DIAPH3: variants seen among roughly 807,000 people sequenced by gnomAD.
DIAPH3 encodes protein diaphanous homolog 3.
In DIAPH3, 117 loss-of-function variants were observed where a neutral mutation model predicts 144.3. That is an observed-to-expected ratio of 0.81 (90% confidence interval 0.70 to 0.95). The LOEUF is 0.95. Among genes scored for constraint, DIAPH3 ranks in the 40% least tolerant of loss-of-function variants. The pLI is 0.00. For missense variants in DIAPH3, 1,421 were observed against 1,412.7 expected (o/e 1.01, Z -0.09); for synonymous variants, 519 against 488.9 (o/e 1.06, Z -0.81).
chr13:59,715,611 TA>T (rs1185593638), intron 27 of DIAPH3, among the ~76,000 whole-genome samples: 178 of 145,402 alleles, frequency 1.2e-3, no homozygotes, highest in South Asian at 2.2e-3. Flanking sequence ...TTCTTTAGAG[TA>T]AAAAAAAAAA....
At chr13:59,820,555 C>T (rs1462111362) in intron 24 of DIAPH3, among the ~76,000 whole-genome samples, 1 of 151,666 alleles carries the variant, frequency 6.6e-6, no homozygotes, top group Non-Finnish European at 1.5e-5. Context: ...TAAAACACTG[C>T]CCAATAATGC....
intron 9 of DIAPH3, among the ~76,000 whole-genome samples, chr13:59,995,513 A>G (rs1453339354): frequency 1.3e-5 from 2 of 151,894 alleles, no homozygotes; most frequent in African/African-American, 4.8e-5. Context: ...CACATACTTC[A>G]TTCCTTCAAA....
At chr13:59,792,880 A>G (rs341557) in intron 25 of DIAPH3, among the ~76,000 whole-genome samples, 107,128 of 151,934 alleles carry the variant, frequency 0.71, 38,107 homozygotes, top group East Asian at 0.86. Context: ...TAGTGCCGGT[A>G]AGAAACAATA....
In DIAPH3 at chr13:60,126,852, T is replaced by G. The variant is rs181171851; in HGVS notation, c.213+6105A>C. On this transcript the variant is annotated intron_variant, in intron 2 of 27. Transcript: ENST00000400324. ...AAAAATATTCAATTCAATAAAATTT[T>G]GTGGGATGCAGCTAAAGCAGATGTC... Among the ~76,000 whole-genome samples, 74 of 152,190 alleles carry G rather than the reference T, an allele frequency of 4.9e-4. 2 individuals carry two copies. The East Asian group carries it at 0.014, about 28-fold the overall frequency.
At chr13:60,148,452 G>C (rs1259024614) in intron 1 of DIAPH3, among the ~76,000 whole-genome samples, 2 of 152,188 alleles carry the variant, frequency 1.3e-5, no homozygotes, top group African/African-American at 4.8e-5. Context: ...CATATAGCTA[G>C]TGACTATCAA....
intron 1 of DIAPH3, among the ~76,000 whole-genome samples, chr13:60,155,423 TAATA>T (rs1185848908): frequency 6.6e-6 from 1 of 152,232 alleles, no homozygotes; most frequent in Non-Finnish European, 1.5e-5. Context: ...AAAAGCCACT[TAATA>T]TATATTGTTT....
At chr13:59,871,576 T>G (rs1045193116) in intron 21 of DIAPH3, among the ~76,000 whole-genome samples, 1 of 152,220 alleles carries the variant, frequency 6.6e-6, no homozygotes, top group Non-Finnish European at 1.5e-5. Flanking sequence ...TTGATGATGA[T>G]AGATTACATT....
At chr13:59,707,984 T>TA (rs2138804223) in intron 27 of DIAPH3, among the ~76,000 whole-genome samples, 1 of 150,072 alleles carries the variant, frequency 6.7e-6, no homozygotes, top group East Asian at 2.0e-4. Flanking sequence ...TCTCTCATCT[T>TA]TAAAAAAAAA....
chr13:60,053,041 T>C lies in DIAPH3; in HGVS notation c.496-10221A>G, dbSNP rs138155977. Among the ~76,000 whole-genome samples the C allele has an allele frequency of 1.2e-4, 15 of 127,094 alleles. No individual in the cohort carries two copies. The East Asian group carries it at 2.9e-3, about 25-fold the overall frequency. 83.4% of individuals were successfully genotyped at this position (127,094 alleles called of 152,430 possible). On this transcript the variant is annotated intron_variant, in intron 4 of 27. Transcript: ENST00000400324. Reference sequence around the variant, plus strand: ...CCTCTTAAATTAAAGAAATAGGAAATAGACCAGAGAGACTATTTTTCAACA... The same window carrying C: ...CCTCTTAAATTAAAGAAATAGGAAACAGACCAGAGAGACTATTTTTCAACA...
intron 5 of DIAPH3, among the ~76,000 whole-genome samples, chr13:60,039,459 A>G (rs2055473355): frequency 6.6e-6 from 1 of 152,032 alleles, no homozygotes. Context: ...ATGCATCACC[A>G]TGCCCAGATA....
intron 24 of DIAPH3, among the ~76,000 whole-genome samples, chr13:59,827,332 A>G (rs1366378655): frequency 6.6e-6 from 1 of 152,164 alleles, no homozygotes; most frequent in Non-Finnish European, 1.5e-5. Flanking sequence ...AAACAAATTT[A>G]CAAGGAAAAA....
chr13:59,913,413 A>G (rs995299558), intron 19 of DIAPH3, among the ~76,000 whole-genome samples: 3 of 152,096 alleles, frequency 2.0e-5, no homozygotes, highest in African/African-American at 7.2e-5. Context: ...CCACAGTATT[A>G]TTACTGCCAA....
intron 4 of DIAPH3, among the ~76,000 whole-genome samples, chr13:60,072,085 C>T (rs1476129574): frequency 1.3e-5 from 2 of 152,118 alleles, no homozygotes; most frequent in Non-Finnish European, 2.9e-5. Context: ...GATTTGGTTA[C>T]CTTCCACATG....
At chr13:59,815,957 G>C (rs1190037909) in intron 24 of DIAPH3, among the ~76,000 whole-genome samples, 2 of 152,038 alleles carry the variant, frequency 1.3e-5, no homozygotes, top group African/African-American at 4.8e-5. Context: ...TTAGGTTAAA[G>C]GGTTTCCTTT....
At position 60,080,806 on chromosome 13, in the gene DIAPH3, C is replaced by T. The variant is rs192454818; in HGVS notation, c.495+12822G>A. On this transcript the variant is annotated intron_variant, in intron 4 of 27. Transcript: ENST00000400324. Reference sequence around the variant, plus strand: ...CTCTATATACTTAAGACAAATAATACACATTTATCCAAAGTAATACAAGTA... The same window carrying T: ...CTCTATATACTTAAGACAAATAATATACATTTATCCAAAGTAATACAAGTA... Among the ~76,000 whole-genome samples, 503 of 151,974 alleles carry T rather than the reference C, an allele frequency of 3.3e-3. 2 individuals carry two copies. The highest frequency in any genetic ancestry group is 0.011 in the African/African-American group (464 of 41,482).
At chr13:59,809,940 A>G (rs2040387699) in intron 25 of DIAPH3, among the ~76,000 whole-genome samples, 1 of 152,178 alleles carries the variant, frequency 6.6e-6, no homozygotes, top group African/African-American at 2.4e-5. Context: ...TTGGAAGTAG[A>G]AAAGCCAAAT....
intron 27 of DIAPH3, among the ~76,000 whole-genome samples, chr13:59,768,737 G>A (rs150606413): frequency 5.4e-4 from 82 of 152,194 alleles, no homozygotes; most frequent in African/African-American, 1.9e-3. Context: ...GCTGTGCCTG[G>A]AGGCAATACA....
chr13:60,125,691 A>G (rs904479494), intron 2 of DIAPH3, among the ~76,000 whole-genome samples: 1 of 152,194 alleles, frequency 6.6e-6, no homozygotes, highest in African/African-American at 2.4e-5. Flanking sequence ...CTGCCATGTT[A>G]GACTTGACCT....
At chr13:60,147,535 T>C (rs899010214) in intron 1 of DIAPH3, among the ~76,000 whole-genome samples, 2 of 152,142 alleles carry the variant, frequency 1.3e-5, no homozygotes, top group African/African-American at 2.4e-5. Context: ...GAAGATCTGC[T>C]TACAGATACC....
Sources: allele counts gnomAD v4.1 joint callset (sites outside exome capture counted in the v4.1 genomes callset), GRCh38; gene constraint gnomAD v4.1.1; transcripts MANE v1.5; gene names NCBI Gene and HGNC (gene_info 2026-07-23, HGNC 2026-07-21).